The following CASS4 variants were observed in gnomAD, a reference collection of about 807,000 sequenced individuals.
CASS4 encodes the protein Cas scaffold protein family member 4.
A neutral mutation model predicts 54.2 loss-of-function variants in CASS4; 22 were observed. The observed-to-expected ratio is 0.41, with a 90% CI of 0.29 to 0.58. CASS4 has a LOEUF of 0.58. CASS4 is among the 20% of genes least tolerant of loss of function. CASS4 has a pLI of 0.36. For missense variants in CASS4, 854 were observed against 986.7 expected (o/e 0.87, Z 1.80); for synonymous variants, 409 against 391.5 (o/e 1.04, Z -0.53).
rs774911011 is a variant in CASS4 at position 56,453,053 on chromosome 20, C to T, written c.1877C>T (p.Thr626Ile). ...QRETESHQKS[T>I]PSTKQREDEH... ...GAAACTGAATCACACCAAAAGAGTA[C>T]CCCTTCCACTAAGCAAAGGGAAGAT... The change falls in exon 5 of 6, where the codon ACC (threonine) becomes ATC (isoleucine). Residue 626 changes from threonine (T) to isoleucine (I), a missense_variant. Thr to Ile is a moderately conservative substitution (Grantham distance 89). Transcript: ENST00000679887. 1 of 1,613,914 alleles carries T rather than the reference C, an allele frequency of 6.2e-7. No homozygotes were observed. Among genetic ancestry groups the T allele is most frequent in the Non-Finnish European group, 8.5e-7 (1 of 1,180,026 alleles).
chr20:56,430,506 C>T lies in CASS4; in HGVS notation c.37-6658C>T, dbSNP rs1297140096. On this transcript the variant is annotated intron_variant, in intron 1 of 5. Coordinates refer to ENST00000679887, the MANE Select transcript of CASS4 (RefSeq NM_020356.4). This position sits in a 1 kb window ranked among gnomAD's most constrained non-coding sequence, Gnocchi z 4.2. ...ACACAAATATTTCCAAATTAACACTCTATTTAAGAATACCTTGTGAGTGGC... is the reference window on the plus strand; with the variant it reads ...ACACAAATATTTCCAAATTAACACTTTATTTAAGAATACCTTGTGAGTGGC... Among the ~76,000 whole-genome samples, 1 of 152,208 alleles carries T rather than the reference C, an allele frequency of 6.6e-6. No homozygotes were observed. The highest frequency in any genetic ancestry group is 2.4e-5 in the African/African-American group (1 of 41,450).
chr20:56,418,733 G>C (rs937366127), intron 1 of CASS4, among the ~76,000 whole-genome samples: 1 of 152,144 alleles, frequency 6.6e-6, no homozygotes, highest in Non-Finnish European at 1.5e-5. Context: ...AGAAAAAATA[G>C]TAAATCAAGG....
At chr20:56,454,332 A>G (rs4811694) in intron 5 of CASS4, among the ~76,000 whole-genome samples, 95,582 of 152,190 alleles carry the variant, frequency 0.63, 30,749 homozygotes, top group East Asian at 0.94. Flanking sequence ...ATAATTTGCT[A>G]CTTTCAGCCC....
At chr20:56,449,246 T>G (rs552550644) in intron 3 of CASS4, among the ~76,000 whole-genome samples, 41 of 152,310 alleles carry the variant, frequency 2.7e-4, no homozygotes, top group Admixed American at 1.8e-3. Context: ...TAAGAAAATG[T>G]GGCACATATA....
intron 5 of CASS4, among the ~76,000 whole-genome samples, chr20:56,454,429 T>C (rs980684580): frequency 2.0e-5 from 3 of 152,204 alleles, no homozygotes; most frequent in African/African-American, 7.2e-5. Context: ...TACATACACA[T>C]ATATATAACT....
At chr20:56,446,032 C>T (rs1980694520) in intron 3 of CASS4, 31 bp downstream of exon 3, 3 of 1,437,544 alleles carry the variant, frequency 2.1e-6, no homozygotes, top group Non-Finnish European at 2.0e-6. Context: ...CCTCATCACC[C>T]AGACCTCTGC....
chr20:56,429,068 C>T lies in CASS4; in HGVS notation c.37-8096C>T, dbSNP rs139419603. ...GGGTGCAGTCACCCGGGCAGTGTGT[C>T]CACCCCGGCCTAGAGAGGGGATTTC... is the stretch of plus-strand genomic sequence containing the variant. On this transcript the variant is annotated intron_variant, in intron 1 of 5. Coordinates refer to ENST00000679887, the MANE Select transcript of CASS4 (RefSeq NM_020356.4). Among the ~76,000 whole-genome samples the T allele has an allele frequency of 1.2e-3, 182 of 152,330 alleles. 6 individuals carry two copies. In the East Asian group the frequency reaches 0.033, roughly 27 times the overall value.
chr20:56,426,984 T>C (rs981767611), intron 1 of CASS4, among the ~76,000 whole-genome samples: 6 of 152,134 alleles, frequency 3.9e-5, no homozygotes, highest in Non-Finnish European at 1.5e-5. Flanking sequence ...GTGAGGACAC[T>C]TTCCAGATCA....
At chr20:56,428,673 A>G (rs1979755101) in intron 1 of CASS4, among the ~76,000 whole-genome samples, 1 of 152,226 alleles carries the variant, frequency 6.6e-6, no homozygotes, top group Admixed American at 6.5e-5. Flanking sequence ...GCTGTCTTTA[A>G]ACCAGCTCTT....
At position 56,414,987 on chromosome 20, in the gene CASS4, T is replaced by A. The variant is rs1979060824; in HGVS notation, c.36+2493T>A. On this transcript the variant is annotated intron_variant, in intron 1 of 5. Coordinates refer to ENST00000679887, the MANE Select transcript of CASS4 (RefSeq NM_020356.4). This position sits in a 1 kb window ranked among gnomAD's most constrained non-coding sequence, Gnocchi z 4.1. Reference sequence around the variant, plus strand: ...TCACAACATCCTCATGAAGCAGAGGTATTATTCCCCTGTCACAGACGAGGA... The same window carrying A: ...TCACAACATCCTCATGAAGCAGAGGAATTATTCCCCTGTCACAGACGAGGA... Among the ~76,000 whole-genome samples, 1 of 152,008 alleles carries A rather than the reference T, an allele frequency of 6.6e-6. No individual in the cohort carries two copies. Among genetic ancestry groups the A allele is most frequent in the Non-Finnish European group, 1.5e-5 (1 of 67,988 alleles).
chr20:56,441,512 G>A lies in CASS4; in HGVS notation c.459+3926G>A, dbSNP rs1303680898. On this transcript the variant is annotated intron_variant, in intron 2 of 5. Coordinates refer to ENST00000679887, the MANE Select transcript of CASS4 (RefSeq NM_020356.4). ...CCCAACTACTCAGAAGGCTGAGGCAGGAGAATCGCTTGAACCCGGGAAGTG... is the reference window on the plus strand; with the variant it reads ...CCCAACTACTCAGAAGGCTGAGGCAAGAGAATCGCTTGAACCCGGGAAGTG... Among the ~76,000 whole-genome samples, 6 of 152,042 alleles carry A rather than the reference G, an allele frequency of 3.9e-5. No individual in the cohort carries two copies. In the East Asian group the frequency reaches 7.8e-4, roughly 20 times the overall value.
intron 2 of CASS4, among the ~76,000 whole-genome samples, chr20:56,441,508 G>A (rs1337003315): frequency 2.0e-5 from 3 of 152,062 alleles, no homozygotes; most frequent in South Asian, 2.1e-4. Flanking sequence ...AGAAGGCTGA[G>A]GCAGGAGAAT....
At chr20:56,416,342 G>A (rs897509497) in intron 1 of CASS4, among the ~76,000 whole-genome samples, 6 of 152,134 alleles carry the variant, frequency 3.9e-5, no homozygotes, top group African/African-American at 1.2e-4. Context: ...GAGCCACTGC[G>A]CCCAGCCAGA....
At chr20:56,415,600 C>G (rs1402656269) in intron 1 of CASS4, among the ~76,000 whole-genome samples, 1 of 152,204 alleles carries the variant, frequency 6.6e-6, no homozygotes, top group East Asian at 1.9e-4. Flanking sequence ...CATTGTTGCT[C>G]AATTGCTTTA....
intron 3 of CASS4, among the ~76,000 whole-genome samples, chr20:56,450,148 C>A (rs2146293748): frequency 6.6e-6 from 1 of 152,148 alleles, no homozygotes; most frequent in Non-Finnish European, 1.5e-5. Flanking sequence ...TCTCCTGCCT[C>A]AGCCTCCCGA....
In CASS4 at chr20:56,441,629, T is replaced by C. The variant is rs181441565; in HGVS notation, c.459+4043T>C. Among the ~76,000 whole-genome samples the C allele has an allele frequency of 3.1e-3, 479 of 152,150 alleles. 9 individuals carry two copies. Among genetic ancestry groups the C allele is most frequent in the African/African-American group, 0.011 (445 of 41,538 alleles). ...TCAAAAAAATAATAATAATTTTTAA[T>C]TTCTTGCCTTCTCTGTGCTTGGAGT... On this transcript the variant is annotated intron_variant, in intron 2 of 5. Transcript: ENST00000679887.
chr20:56,423,939 G>A (rs865838435), intron 1 of CASS4, among the ~76,000 whole-genome samples: 3 of 152,146 alleles, frequency 2.0e-5, no homozygotes. Context: ...TGCACATTCT[G>A]GAGCTTTTCA....
chr20:56,443,159 G>T (rs937307780), intron 2 of CASS4, among the ~76,000 whole-genome samples: 1 of 151,524 alleles, frequency 6.6e-6, no homozygotes, highest in African/African-American at 2.4e-5. Context: ...GGGTGTGGCG[G>T]GTGCATAGCT....
rs1979033996 is a variant in CASS4 at position 56,414,467 on chromosome 20, G to A, written c.36+1973G>A. 6.6e-6 allele frequency among the ~76,000 whole-genome samples: 1 copy of A among 152,018 alleles called. No individual in the cohort carries two copies. The highest frequency in any genetic ancestry group is 1.5e-5 in the Non-Finnish European group (1 of 68,012). ...ATTTAAAAAAAATATTTTTAGCAAT[G>A]GGGGTATCACTCTGTTGTCCAAGCT... is the stretch of plus-strand genomic sequence containing the variant. On this transcript the variant is annotated intron_variant, in intron 1 of 5. Coordinates refer to ENST00000679887, the MANE Select transcript of CASS4 (RefSeq NM_020356.4). This position sits in a 1 kb window ranked among gnomAD's most constrained non-coding sequence, Gnocchi z 4.1.
Sources: gnomAD v4.1 joint callset for allele counts (sites outside exome capture counted in the v4.1 genomes callset) on GRCh38, gnomAD v4.1.1 for gene constraint, Gnocchi (gnomAD v3.1) non-coding constraint, MANE v1.5 for transcripts, NCBI Gene and HGNC (gene_info 2026-07-23, HGNC 2026-07-21) for gene names.